Variants in CIMAP1D observed in about 807,000 individuals in gnomAD.
The protein encoded by CIMAP1D is CIMAP1 family member D.
the CIMAP1D span, among the ~76,000 whole-genome samples, chr19:476,243 C>T: frequency 1.1e-4 from 16 of 151,830 alleles, no homozygotes; most frequent in Non-Finnish European, 1.9e-4. Flanking sequence ...TTAGTAGAGA[C>T]GGGGTTTCAC....
chr19:489,077 C>T, the CIMAP1D span: 1 of 152,160 alleles, frequency 6.6e-6, no homozygotes, highest in African/African-American at 2.4e-5. Flanking sequence ...CGCTCCGCGG[C>T]ATGGCGGGAG....
At chr19:464,254 G>A in the CIMAP1D span, 1,340 of 1,534,366 alleles carry the variant, frequency 8.7e-4, 13 homozygotes, top group African/African-American at 0.016. Context: ...GAGGTGTCCA[G>A]GGGCTTCAGG....
At chr19:475,353 G>A in the CIMAP1D span, among the ~76,000 whole-genome samples, 4 of 152,280 alleles carry the variant, frequency 2.6e-5, no homozygotes, top group South Asian at 4.1e-4. Flanking sequence ...ACGAACAGAC[G>A]GAAAAGAAGG....
chr19:472,588 G>C, the CIMAP1D span: 2 of 949,084 alleles, frequency 2.1e-6, no homozygotes, highest in Non-Finnish European at 3.0e-6. Context: ...CTTAGCCTGG[G>C]TTCCCCTCTC....
chr19:487,777 T>C, the CIMAP1D span, among the ~76,000 whole-genome samples: 7 of 152,154 alleles, frequency 4.6e-5, no homozygotes, highest in Admixed American at 3.9e-4. Flanking sequence ...ATCCCTCATA[T>C]TGTCTTATGC....
the CIMAP1D span, chr19:464,338 C>T: frequency 6.5e-7 from 1 of 1,542,984 alleles, no homozygotes; most frequent in Non-Finnish European, 8.7e-7. Context: ...GGGCTGTAGG[C>T]CCCAGGGCCT....
the CIMAP1D span, among the ~76,000 whole-genome samples, chr19:481,538 GA>G: frequency 8.3e-5 from 6 of 72,694 alleles, no homozygotes; most frequent in South Asian, 5.5e-4. Flanking sequence ...AAGGATGATG[GA>G]GGATGATGGA....
the CIMAP1D span, chr19:463,756 C>T: frequency 1.3e-6 from 2 of 1,511,574 alleles, no homozygotes; most frequent in Non-Finnish European, 8.8e-7. Context: ...TTTCCCAGCC[C>T]CTCTCGCCTT....
the CIMAP1D span, among the ~76,000 whole-genome samples, chr19:466,721 A>G: frequency 7.0e-5 from 8 of 113,732 alleles, no homozygotes; most frequent in Admixed American, 8.7e-5. Context: ...GGGTGGATGG[A>G]TGGGTGGATA....
chr19:476,073 A>G, the CIMAP1D span, among the ~76,000 whole-genome samples: 3 of 130,460 alleles, frequency 2.3e-5, no homozygotes, highest in Admixed American at 9.9e-5. Context: ...ATCTCGGCTC[A>G]CTGGAACCTC....
the CIMAP1D span, among the ~76,000 whole-genome samples, chr19:471,341 G>T: frequency 2.0e-5 from 3 of 151,760 alleles, no homozygotes; most frequent in South Asian, 6.2e-4. Context: ...GTAGAGACGG[G>T]GTTTCACCAT....
chr19:487,487 C>T, the CIMAP1D span, among the ~76,000 whole-genome samples: 39 of 152,198 alleles, frequency 2.6e-4, no homozygotes, highest in Non-Finnish European at 5.0e-4. Flanking sequence ...CTTAAAACAA[C>T]GCTTGGCATA....
chr19:484,601 G>GTCAGGA, the CIMAP1D span, among the ~76,000 whole-genome samples: 1 of 152,228 alleles, frequency 6.6e-6, no homozygotes, highest in South Asian at 2.1e-4. Context: ...CCTGGAGGAA[G>GTCAGGA]TCAGGACCTC....
the CIMAP1D span, chr19:463,875 G>T: frequency 1.9e-6 from 3 of 1,610,314 alleles, no homozygotes; most frequent in Non-Finnish European, 2.5e-6. Context: ...CCTGTGCCCC[G>T]CAGGCCGGGA....
chr19:471,227 C>T, the CIMAP1D span, among the ~76,000 whole-genome samples: 1 of 152,124 alleles, frequency 6.6e-6, no homozygotes, highest in Non-Finnish European at 1.5e-5. Flanking sequence ...CGGCTCACTG[C>T]AGCATCTGCC....
chr19:484,103 CTT>C, the CIMAP1D span, among the ~76,000 whole-genome samples: 8 of 149,826 alleles, frequency 5.3e-5, no homozygotes, highest in African/African-American at 1.7e-4. Context: ...ACATGTCTCT[CTT>C]GTTTTATTTA....
the CIMAP1D span, among the ~76,000 whole-genome samples, chr19:475,431 G>A: frequency 6.6e-6 from 1 of 152,214 alleles, no homozygotes; most frequent in Non-Finnish European, 1.5e-5. Context: ...TCTGGTGTAT[G>A]AGGAGGCACT....
the CIMAP1D span, among the ~76,000 whole-genome samples, chr19:483,219 C>A: frequency 6.6e-6 from 1 of 151,986 alleles, no homozygotes; most frequent in Non-Finnish European, 1.5e-5. Context: ...CTGCTCTCCA[C>A]CTCACAGCCA....
At chr19:474,437 G>C in the CIMAP1D span, among the ~76,000 whole-genome samples, 1 of 151,870 alleles carries the variant, frequency 6.6e-6, no homozygotes, top group Admixed American at 6.5e-5. Context: ...ACACATACTC[G>C]GGGCTCACGG....
Sources: gnomAD v4.1 joint callset for allele counts (sites outside exome capture counted in the v4.1 genomes callset) on GRCh38, gnomAD v4.1.1 for gene constraint, MANE v1.5 for transcripts, NCBI Gene and HGNC (gene_info 2026-07-23, HGNC 2026-07-21) for gene names.